Variants in CCNH observed in about 807,000 individuals in gnomAD.
CCNH encodes cyclin-H.
CCNH carries 31 observed loss-of-function variants against 41.9 expected under a neutral mutation model. The ratio of observed to expected loss-of-function variants is 0.74; its 90% CI spans 0.56 to 1.00. The LOEUF (loss-of-function observed/expected upper bound fraction) is 1.00, where lower values mean the gene tolerates loss of function less well. Ranked by LOEUF, CCNH falls within the 50% of genes least tolerant of loss-of-function variation. The pLI is 0.00. For missense variants in CCNH, 362 were observed against 388.4 expected, an observed-to-expected ratio of 0.93 and a Z score of 0.57; for synonymous variants, 138 against 136.1, an observed-to-expected ratio of 1.01 and a Z score of -0.10.
intron 9 of CCNH, among the ~76,000 whole-genome samples, chr5:87,354,578 T>C (rs1317684863): frequency 6.6e-6 from 1 of 152,134 alleles, no homozygotes; most frequent in African/African-American, 2.4e-5. Context: ...GCTTCCTATT[T>C]CTGCAGACAC....
At chr5:87,379,878 G>T, upstream of CCNH, 1 of 1,602,378 alleles carries the variant, frequency 6.2e-7, no homozygotes, top group Non-Finnish European at 8.5e-7. Flanking sequence ...CATTTGACAA[G>T]AAATTGTGTA....
chr5:87,326,553 A>C (rs1026381844), intron 9 of CCNH, among the ~76,000 whole-genome samples: 2 of 152,152 alleles, frequency 1.3e-5, no homozygotes, highest in African/African-American at 4.8e-5. Context: ...AGAGAGGCAA[A>C]GAAGAAGAGA....
At chr5:87,410,000 AGT>A (rs1308306594) in intron 2 of CCNH, among the ~76,000 whole-genome samples, 2 of 152,206 alleles carry the variant, frequency 1.3e-5, no homozygotes, top group Non-Finnish European at 1.5e-5. Flanking sequence ...AAGGAAACTG[AGT>A]ATCAATGAGG....
At position 87,338,910 on chromosome 5, in the gene CCNH, C is replaced by T. The variant is rs182785875; in HGVS notation, c.*91-20013G>A. On this transcript the variant is annotated intron_variant and NMD_transcript_variant, in intron 9 of 9. Transcript: ENST00000645953. The stretch of plus-strand genomic sequence containing the variant: ...TTGTTTTTGTTTCCATCATATAATA[C>T]GTTATCATGGTATCAATTACCAGGT... Among the ~76,000 whole-genome samples the T allele has an allele frequency of 2.5e-3, 378 of 152,098 alleles. 1 individual carries two copies. Among genetic ancestry groups the T allele is most frequent in the African/African-American group, 8.6e-3 (356 of 41,478 alleles).
intron 9 of CCNH, among the ~76,000 whole-genome samples, chr5:87,322,605 A>T (rs1291421679): frequency 6.6e-6 from 1 of 151,994 alleles, no homozygotes; most frequent in African/African-American, 2.4e-5. Flanking sequence ...TGCCATGAGT[A>T]AAAGCTTCCT....
chr5:87,324,677 T>TCTAGTTATCTGGTTATATACAAATATAC lies in CCNH; in HGVS notation c.*91-5808_*91-5781dup, dbSNP rs1757091029. 3.3e-5 allele frequency among the ~76,000 whole-genome samples: 5 copies of TCTAGTTATCTGGTTATATACAAATATAC among 152,160 alleles called. No individual in the cohort carries two copies. In the South Asian group the frequency reaches 1.0e-3, roughly 31 times the overall value. ...TGTGCACACACACATACATATGCAC[T>TCTAGTTATCTGGTTATATACAAATATAC]CTAGTTATCTGGTTATATACAAATA... On this transcript the variant is annotated intron_variant and NMD_transcript_variant, in intron 9 of 9. Transcript: ENST00000645953.
chr5:87,344,069 G>A (rs369810610), intron 9 of CCNH, among the ~76,000 whole-genome samples: 5 of 152,130 alleles, frequency 3.3e-5, no homozygotes, highest in African/African-American at 1.2e-4. Flanking sequence ...AAGGTGGGAA[G>A]GGTAGCAGGG....
chr5:87,348,230 C>G (rs1759002689), intron 9 of CCNH, among the ~76,000 whole-genome samples: 1 of 151,622 alleles, frequency 6.6e-6, no homozygotes, highest in Admixed American at 6.6e-5. Flanking sequence ...TTATTTTTTT[C>G]TTTTTACTGA....
chr5:87,321,600 C>A (rs755098746), intron 9 of CCNH, among the ~76,000 whole-genome samples: 4 of 152,226 alleles, frequency 2.6e-5, no homozygotes, highest in Non-Finnish European at 2.9e-5. Context: ...TTAAAGGATA[C>A]AAGTAAACAG....
chr5:87,330,955 A>G, intron 9 of CCNH: 1 of 1,436,206 alleles, frequency 7.0e-7, no homozygotes, highest in South Asian at 1.5e-5. Context: ...GTGCCTTGTG[A>G]AGTCATGGTT....
At chr5:87,354,144 G>T (rs1024978619) in intron 9 of CCNH, among the ~76,000 whole-genome samples, 2 of 151,914 alleles carry the variant, frequency 1.3e-5, no homozygotes, top group Non-Finnish European at 2.9e-5. Context: ...GTGGGGGGTG[G>T]GGTGGGAGGT....
At chr5:87,347,515 A>G (rs1347423440) in intron 9 of CCNH, among the ~76,000 whole-genome samples, 1 of 151,998 alleles carries the variant, frequency 6.6e-6, no homozygotes, top group African/African-American at 2.4e-5. Flanking sequence ...AGTTCTTCAA[A>G]AATGTTGACT....
chr5:87,372,305 A>G, downstream of CCNH: 2 of 961,902 alleles, frequency 2.1e-6, no homozygotes, highest in Admixed American at 4.1e-5. Flanking sequence ...GGGTTAAGCC[A>G]TGCTGCCACT....
chr5:87,313,796 A>T (rs1243716051), downstream of CCNH, among the ~76,000 whole-genome samples: 1 of 152,248 alleles, frequency 6.6e-6, no homozygotes, highest in Non-Finnish European at 1.5e-5. Flanking sequence ...CTGAAGAATG[A>T]GAGAGATTTC....
At chr5:87,317,045 G>A (rs1045377213), downstream of CCNH, among the ~76,000 whole-genome samples, 6 of 152,058 alleles carry the variant, frequency 3.9e-5, no homozygotes. Flanking sequence ...ACTACACCCA[G>A]CTAATTTTTG....
At chr5:87,328,557 G>A (rs78886482) in intron 9 of CCNH, among the ~76,000 whole-genome samples, 3,608 of 152,178 alleles carry the variant, frequency 0.024, 156 homozygotes, top group African/African-American at 0.082. Context: ...CTTGGGAAAT[G>A]TTATATCTTT....
At chr5:87,315,026 T>A (rs1372578162), downstream of CCNH, among the ~76,000 whole-genome samples, 1 of 152,238 alleles carries the variant, frequency 6.6e-6, no homozygotes, top group Non-Finnish European at 1.5e-5. Context: ...CTAGGCAGAA[T>A]GTGGTTTCCA....
intron 1 of CCNH, 141 bp from the exon 2 acceptor site, chr5:87,411,487 G>C (rs1012205621): frequency 1.5e-6 from 1 of 670,860 alleles, no homozygotes; most frequent in East Asian, 3.1e-5. Context: ...TTATAGATTC[G>C]CTAATCATTA....
chr5:87,312,518 C>T, the CCNH span, among the ~76,000 whole-genome samples: 1 of 152,182 alleles, frequency 6.6e-6, no homozygotes, highest in South Asian at 2.1e-4. Context: ...CTATAACCTA[C>T]AGAAACAGAA....
Sources: allele counts gnomAD v4.1 joint callset (sites outside exome capture counted in the v4.1 genomes callset), GRCh38; gene constraint gnomAD v4.1.1; transcripts MANE v1.5; gene names NCBI Gene and HGNC (gene_info 2026-07-23, HGNC 2026-07-21).